PDE4C: variants seen among roughly 807,000 people sequenced by gnomAD.
The protein encoded by PDE4C is 3',5'-cyclic-AMP phosphodiesterase 4C.
PDE4C carries 50 observed loss-of-function variants against 63.9 expected under a neutral mutation model. That is an observed-to-expected ratio of 0.78 (90% CI 0.62 to 0.99). The LOEUF (loss-of-function observed/expected upper bound fraction) is 0.99, where lower values mean the gene tolerates loss of function less well. Ranked by LOEUF, PDE4C falls within the 50% of genes least tolerant of loss-of-function variation. PDE4C has a pLI of 0.00. For synonymous variants in PDE4C, 377 were observed against 385.1 expected, an observed-to-expected ratio of 0.98 and a Z score of 0.25; for missense variants, 777 against 899.1, an observed-to-expected ratio of 0.86 and a Z score of 1.74.
intron 1 of PDE4C, chr19:18,224,265 G>A: frequency 1.9e-5 from 19 of 985,516 alleles, no homozygotes; most frequent in Non-Finnish European, 2.3e-5. Context: ...AGGGCAGGCG[G>A]AAGCGGCACC....
intron 12 of PDE4C, among the ~76,000 whole-genome samples, chr19:18,213,853 G>A (rs1019611829): frequency 6.6e-6 from 1 of 152,166 alleles, no homozygotes; most frequent in African/African-American, 2.4e-5. Context: ...CATTCGTTGA[G>A]TCACAGCAAA....
intron 2 of PDE4C, 108 bp from the exon 3 acceptor site, chr19:18,221,405 G>T: frequency 8.4e-7 from 1 of 1,188,760 alleles, no homozygotes; most frequent in Non-Finnish European, 1.2e-6. Context: ...TTCTCCTCCA[G>T]GCTCCTTCTT....
upstream of PDE4C, among the ~76,000 whole-genome samples, chr19:18,229,551 A>G (rs948536199): frequency 1.3e-5 from 2 of 150,148 alleles, no homozygotes; most frequent in African/African-American, 4.9e-5. Flanking sequence ...TGATGCCTTT[A>G]GCACAGCACT....
chr19:18,218,464 G>A (rs1436030527), exon 10 of PDE4C: 1 of 1,614,104 alleles, frequency 6.2e-7, no homozygotes, highest in Non-Finnish European at 8.5e-7. Context: ...CAGTGTGTCT[G>A]CTGGGATCTG....
chr19:18,224,280 G>A (rs752562828), intron 1 of PDE4C: 16 of 985,542 alleles, frequency 1.6e-5, no homozygotes, highest in Non-Finnish European at 1.8e-5. Context: ...GGCACCGACA[G>A]GAAGACAACC....
downstream of PDE4C, chr19:18,210,504 T>A (rs1212932462): frequency 6.5e-6 from 1 of 154,182 alleles, no homozygotes; most frequent in East Asian, 1.9e-4. Flanking sequence ...CCCCACCCTT[T>A]GTGCAGGGCT....
At chr19:18,253,353 T>C in the PDE4C span, among the ~76,000 whole-genome samples, 3 of 152,048 alleles carry the variant, frequency 2.0e-5, no homozygotes, top group Non-Finnish European at 4.4e-5. Context: ...ACTGCACTCC[T>C]GCCTGGGAGA....
chr19:18,241,128 G>A (rs1405663048), intron 1 of PDE4C, among the ~76,000 whole-genome samples: 1 of 152,114 alleles, frequency 6.6e-6, no homozygotes, highest in African/African-American at 2.4e-5. Context: ...CTGGTAGCTG[G>A]GAGGGTGTGT....
chr19:18,226,314 C>T (rs1490758649), exon 1 of PDE4C: 2 of 1,568,628 alleles, frequency 1.3e-6, no homozygotes, highest in African/African-American at 2.7e-5. Context: ...GGCGGATGCT[C>T]TGATTCACCA....
Position 18,241,330 on chromosome 19 carries a change from G to A in PDE4C, c.-210+6841C>T, listed in dbSNP as rs566418514. Among the ~76,000 whole-genome samples the A allele has an allele frequency of 1.5e-4, 19 of 122,836 alleles. 1 individual carries two copies. In the East Asian group the frequency reaches 2.9e-3, roughly 19 times the overall value. The allele number at this position is 122,836 out of a possible 152,430, so 80.6% of individuals were successfully genotyped here. ...CGCCCAGGCTGGAGTGCAGTGGCGC[G>A]ATCTCGGCTCACTGCAAGCTCCGCC... On this transcript the variant is annotated intron_variant, in intron 1 of 15. Transcript: ENST00000594617.
upstream of PDE4C, among the ~76,000 whole-genome samples, chr19:18,248,558 G>A (rs565045534): frequency 1.0e-3 from 153 of 151,332 alleles, no homozygotes; most frequent in Non-Finnish European, 1.8e-3. Context: ...GAGAGAGGGC[G>A]CGAAGGAAGA....
chr19:18,208,496 C>T (rs1054901094), downstream of PDE4C: 4 of 148,732 alleles, frequency 2.7e-5, no homozygotes, highest in East Asian at 6.0e-4. Flanking sequence ...CCGACAAGCG[C>T]GCCCCGCCGT....
At chr19:18,211,689 G>C in intron 14 of PDE4C, 70 bp downstream of exon 14, 1 of 1,559,958 alleles carries the variant, frequency 6.4e-7, no homozygotes, top group South Asian at 1.1e-5. Flanking sequence ...ACCAGGGCTC[G>C]TGGGGTTGGC....
upstream of PDE4C, among the ~76,000 whole-genome samples, chr19:18,228,890 A>C (rs532287471): frequency 6.2e-4 from 95 of 152,302 alleles, 1 homozygote; most frequent in Middle Eastern, 0.01. Context: ...AGAGGTGCCC[A>C]GTAGTCTCTG....
intron 1 of PDE4C, among the ~76,000 whole-genome samples, chr19:18,224,896 G>C (rs773741122): frequency 1.4e-4 from 22 of 152,224 alleles, no homozygotes; most frequent in Non-Finnish European, 2.9e-5. Flanking sequence ...ACCCAGATCT[G>C]CCCCTCGAGG....
intron 1 of PDE4C, among the ~76,000 whole-genome samples, chr19:18,248,009 G>A (rs779887325): frequency 1.1e-4 from 17 of 152,132 alleles, no homozygotes; most frequent in African/African-American, 4.1e-4. Flanking sequence ...CAGGACTGGC[G>A]AAACAAGGTC....
chr19:18,222,426 C>T (rs1039337852), intron 1 of PDE4C, 103 bp from the exon 2 acceptor site: 7 of 1,053,540 alleles, frequency 6.6e-6, no homozygotes, highest in Admixed American at 2.3e-5. Flanking sequence ...GCTTGGCAGT[C>T]AGGCAAGTGT....
At chr19:18,245,812 G>A (rs1379418992) in intron 1 of PDE4C, among the ~76,000 whole-genome samples, 1 of 152,178 alleles carries the variant, frequency 6.6e-6, no homozygotes, top group African/African-American at 2.4e-5. Context: ...CTGAGTGTGG[G>A]AGAGGTCATC....
upstream of PDE4C, chr19:18,252,407 G>C (rs1345941802): frequency 2.5e-6 from 1 of 398,976 alleles, no homozygotes; most frequent in Non-Finnish European, 4.4e-6. Flanking sequence ...TGCTGTGGGC[G>C]AAGGGAGAAG....
Sources: gnomAD v4.1 joint callset for allele counts (sites outside exome capture counted in the v4.1 genomes callset) on GRCh38, gnomAD v4.1.1 for gene constraint, MANE v1.5 for transcripts, NCBI Gene and HGNC (gene_info 2026-07-23, HGNC 2026-07-21) for gene names.